Variants in ADK observed in about 807,000 individuals in gnomAD.
ADK encodes N6,N6-dimethyladenosine kinase.
Under a neutral mutation model 44.7 loss-of-function variants are expected in ADK, and 24 were observed. The observed-to-expected ratio is 0.54, with a 90% confidence interval of 0.39 to 0.76. The LOEUF (loss-of-function observed/expected upper bound fraction) is 0.76, where lower values mean the gene tolerates loss of function less well. Ranked by LOEUF, ADK falls within the 30% of genes least tolerant of loss-of-function variation. The pLI is 0.00. For synonymous variants in ADK, 128 were observed against 142.6 expected, an observed-to-expected ratio of 0.90 and a Z score of 0.73; for missense variants, 321 against 425.1, an observed-to-expected ratio of 0.76 and a Z score of 2.15.
chr10:74,253,077 G>A (rs542122754), intron 3 of ADK, among the ~76,000 whole-genome samples: 1 of 152,324 alleles, frequency 6.6e-6, no homozygotes, highest in Admixed American at 6.5e-5. Context: ...TGCAGGGCAG[G>A]TGAGCCCCAA....
intron 9 of ADK, among the ~76,000 whole-genome samples, chr10:74,640,943 T>C (rs1853821098): frequency 6.6e-6 from 1 of 152,250 alleles, no homozygotes; most frequent in Non-Finnish European, 1.5e-5. Context: ...ATATAAAATA[T>C]TATTTCACTG....
chr10:74,658,844 C>A (rs1333579635), intron 9 of ADK, among the ~76,000 whole-genome samples: 1 of 151,914 alleles, frequency 6.6e-6, no homozygotes, highest in African/African-American at 2.4e-5. Flanking sequence ...TTTAGTGAAC[C>A]TATTAAAGAT....
chr10:74,339,589 T>A (rs1841519463), intron 4 of ADK, among the ~76,000 whole-genome samples: 1 of 152,206 alleles, frequency 6.6e-6, no homozygotes, highest in African/African-American at 2.4e-5. Flanking sequence ...ATTTCTATGA[T>A]GGTCCCATAC....
At chr10:74,520,078 A>C (rs1198336230) in intron 6 of ADK, among the ~76,000 whole-genome samples, 1 of 151,962 alleles carries the variant, frequency 6.6e-6, no homozygotes, top group African/African-American at 2.4e-5. Context: ...GAGAAAATAA[A>C]CTAAATTACA....
chr10:74,428,082 A>G (rs1413227880), intron 6 of ADK, among the ~76,000 whole-genome samples: 2 of 152,120 alleles, frequency 1.3e-5, no homozygotes, highest in African/African-American at 4.8e-5. Context: ...CTTCATTGTC[A>G]TATGACATTC....
chr10:74,249,056 A>G (rs757652407), intron 3 of ADK, among the ~76,000 whole-genome samples: 3 of 152,184 alleles, frequency 2.0e-5, no homozygotes, highest in Admixed American at 1.3e-4. Flanking sequence ...ATGTCTTCCA[A>G]TAAAGTATTC....
At chr10:74,392,406 T>C (rs1297156945) in intron 4 of ADK, among the ~76,000 whole-genome samples, 1 of 152,180 alleles carries the variant, frequency 6.6e-6, no homozygotes, top group Non-Finnish European at 1.5e-5. Flanking sequence ...CCCTGATGAT[T>C]ACTGATGTTG....
chr10:74,288,897 C>T (rs546245961), intron 3 of ADK, among the ~76,000 whole-genome samples: 7 of 151,854 alleles, frequency 4.6e-5, no homozygotes, highest in South Asian at 2.1e-4. Flanking sequence ...GGTATTTTGC[C>T]GAAATTATTT....
chr10:74,301,180 C>G (rs114349132), intron 3 of ADK, among the ~76,000 whole-genome samples: 1,976 of 152,078 alleles, frequency 0.013, 47 homozygotes, highest in African/African-American at 0.045. Flanking sequence ...TATTATAGAT[C>G]AATGTTAACA....
intron 3 of ADK, among the ~76,000 whole-genome samples, chr10:74,246,421 G>C (rs1845417413): frequency 6.6e-6 from 1 of 152,224 alleles, no homozygotes; most frequent in Non-Finnish European, 1.5e-5. Flanking sequence ...GTTCTAATGA[G>C]TTGAGCAGAT....
chr10:74,250,141 A>G (rs979850331), intron 3 of ADK, among the ~76,000 whole-genome samples: 1 of 152,212 alleles, frequency 6.6e-6, no homozygotes, highest in Non-Finnish European at 1.5e-5. Flanking sequence ...AAAAAAATTC[A>G]GTCTATTTGG....
At chr10:74,299,219 C>T (rs761777122) in intron 3 of ADK, among the ~76,000 whole-genome samples, 1 of 151,648 alleles carries the variant, frequency 6.6e-6, no homozygotes, top group Non-Finnish European at 1.5e-5. Flanking sequence ...GGAGGCCGGG[C>T]ACAGTGGCTC....
intron 3 of ADK, among the ~76,000 whole-genome samples, chr10:74,301,514 A>C (rs1840031275): frequency 8.1e-6 from 1 of 124,210 alleles, no homozygotes; most frequent in Non-Finnish European, 1.7e-5. Context: ...ACTCTGTCTC[A>C]AAAAAAAAAA....
intron 4 of ADK, among the ~76,000 whole-genome samples, chr10:74,348,013 C>A (rs1841835607): frequency 6.6e-6 from 1 of 152,178 alleles, no homozygotes; most frequent in Non-Finnish European, 1.5e-5. Flanking sequence ...AACTTTCCTG[C>A]CTGGTGGCTC....
intron 6 of ADK, among the ~76,000 whole-genome samples, chr10:74,449,545 C>CT (rs750410386): frequency 5.9e-5 from 9 of 152,006 alleles, no homozygotes; most frequent in Non-Finnish European, 1.3e-4. Context: ...CCTATTATAT[C>CT]TTTTTATTTT....
intron 3 of ADK, among the ~76,000 whole-genome samples, chr10:74,299,647 G>A (rs1839935496): frequency 6.7e-6 from 1 of 150,206 alleles, no homozygotes; most frequent in African/African-American, 2.4e-5. Flanking sequence ...CAGAAAAAAG[G>A]GTTAATTGGA....
chr10:74,193,652 G>T (rs1218528532), intron 1 of ADK, among the ~76,000 whole-genome samples: 1 of 152,016 alleles, frequency 6.6e-6, no homozygotes, highest in Admixed American at 6.6e-5. Flanking sequence ...GGGTATGGTG[G>T]CTATAGTCCC....
At chr10:74,375,174 T>A (rs140501545) in intron 4 of ADK, among the ~76,000 whole-genome samples, 1 of 152,196 alleles carries the variant, frequency 6.6e-6, no homozygotes, top group East Asian at 1.9e-4. Context: ...ATTCTATACA[T>A]TTTAATTATC....
intron 6 of ADK, among the ~76,000 whole-genome samples, chr10:74,441,892 G>C (rs914999453): frequency 6.6e-6 from 1 of 152,060 alleles, no homozygotes; most frequent in African/African-American, 2.4e-5. Flanking sequence ...ATGAGCCCAG[G>C]ACCTGAATAG....
Sources: gnomAD v4.1 joint callset for allele counts (sites outside exome capture counted in the v4.1 genomes callset) on GRCh38, gnomAD v4.1.1 for gene constraint, MANE v1.5 for transcripts, NCBI Gene and HGNC (gene_info 2026-07-23, HGNC 2026-07-21) for gene names.